Variants in AIFM3 observed in about 807,000 individuals in gnomAD.
AIFM3 encodes AIF family member 3.
AIFM3 carries 71 observed loss-of-function variants against 82.7 expected under a neutral mutation model. The ratio of observed to expected loss-of-function variants is 0.86; its 90% confidence interval spans 0.71 to 1.05. The LOEUF (loss-of-function observed/expected upper bound fraction) is 1.05. Ranked by LOEUF, AIFM3 falls within the 50% of genes least tolerant of loss-of-function variation. AIFM3 has a pLI of 0.00. For synonymous variants in AIFM3, 337 were observed against 329.1 expected, an observed-to-expected ratio of 1.02 and a Z score of -0.26; for missense variants, 748 against 816.7, an observed-to-expected ratio of 0.92 and a Z score of 1.03.
Position 20,976,646 on chromosome 22 carries a change from A to G in AIFM3, c.1031-5A>G. On this transcript the variant is annotated splice_region_variant and splice_polypyrimidine_tract_variant and intron_variant, in intron 11 of 20. Coordinates refer to ENST00000440238, the MANE Select transcript of AIFM3 (RefSeq NM_001386814.1). Reference sequence around the variant, plus strand: ...GCCAGCCTGCCACCCCCTGCCCATCACCAGGGATGGAGGTGGCCGCTTACC... The same window carrying G: ...GCCAGCCTGCCACCCCCTGCCCATCGCCAGGGATGGAGGTGGCCGCTTACC... The G allele has an allele frequency of 6.2e-7, 1 of 1,610,920 alleles. No homozygotes were observed. The highest frequency in any genetic ancestry group is 8.5e-7 in the Non-Finnish European group (1 of 1,178,512).
chr22:20,975,795 G>A lies in AIFM3; in HGVS notation c.807+17G>A, dbSNP rs756115193. 20 of 1,609,862 alleles carry A rather than the reference G, an allele frequency of 1.2e-5. No homozygotes were observed. Among genetic ancestry groups the A allele is most frequent in the African/African-American group, 1.1e-4 (8 of 74,942 alleles). On this transcript the variant is annotated intron_variant, in intron 9 of 20. Transcript: ENST00000440238. The stretch of plus-strand genomic sequence containing the variant: ...GAGGCTCAGGTACAGGGTCAAGGGT[G>A]GGAAACAGGCCCGAGGAGGGAAGGT...
rs765820483 is a variant in AIFM3 at position 20,977,230 on chromosome 22, G to A, written c.1282+135G>A. ...ATCTGTCAAATGGGAACCCCCAACCGCCCCCACTTTACGGAGCTGTTGGGG... is the reference window on the plus strand; with the variant it reads ...ATCTGTCAAATGGGAACCCCCAACCACCCCCACTTTACGGAGCTGTTGGGG... On this transcript the variant is annotated intron_variant, in intron 14 of 20. Coordinates refer to ENST00000440238, the MANE Select transcript of AIFM3 (RefSeq NM_001386814.1). The A allele has an allele frequency of 3.5e-5, 44 of 1,248,916 alleles. 1 individual carries two copies. The Middle Eastern group carries it at 8.1e-4, about 23-fold the overall frequency. The allele number at this position is 1,248,916 out of a possible 1,614,324, so 77.4% of individuals were successfully genotyped here. A position where few individuals can be genotyped will look rare whatever the true frequency, so the allele number is the denominator to read the frequency against.
chr22:20,980,991 G>A lies in AIFM3; in HGVS notation c.1779-1G>A. On this transcript the variant is annotated splice_acceptor_variant, in intron 20 of 20. Coordinates refer to ENST00000440238, the MANE Select transcript of AIFM3 (RefSeq NM_001386814.1). LOFTEE classifies it high-confidence loss of function. ...GACCCCTCCTCCCCTCACTCCTGCA[G>A]GACTGGCGACATGTCCTGGCTTACG... 1 of 1,614,228 alleles carries A rather than the reference G, an allele frequency of 6.2e-7. No individual in the cohort carries two copies. Among genetic ancestry groups the A allele is most frequent in the Non-Finnish European group, 8.5e-7 (1 of 1,180,038 alleles).
rs1473453211 is a variant in AIFM3, at chr22:20,974,905, G to T, written c.720+89G>T. 5.3e-6 allele frequency: 7 copies of T among 1,323,182 alleles called. No individual in the cohort carries two copies. In the South Asian group the frequency reaches 6.5e-5, roughly 12 times the overall value. The allele number at this position is 1,323,182 out of a possible 1,614,324, so 82.0% of individuals were successfully genotyped here. On this transcript the variant is annotated intron_variant, in intron 8 of 20. Coordinates refer to ENST00000440238, the MANE Select transcript of AIFM3 (RefSeq NM_001386814.1). The stretch of plus-strand genomic sequence containing the variant: ...CTTGCTTGTCACCCCATTGGGGTCT[G>T]GCCGGCTGCCCTCCCTGCTTATGCC...
chr22:20,972,478 A>G (rs998402091), intron 2 of AIFM3, among the ~76,000 whole-genome samples: 25 of 152,122 alleles, frequency 1.6e-4, no homozygotes, highest in African/African-American at 5.8e-4. Flanking sequence ...TTTTTGAAAA[A>G]AATTCAAATA....
intron 2 of AIFM3, among the ~76,000 whole-genome samples, chr22:20,968,274 G>T (rs1017631962): frequency 6.6e-6 from 1 of 152,168 alleles, no homozygotes; most frequent in Non-Finnish European, 1.5e-5. Context: ...CTGTTGCAGG[G>T]TTGGGGAAGG....
At chr22:20,977,267 T>C (rs178271) in intron 14 of AIFM3, 172 bp downstream of exon 14, 843,723 of 898,714 alleles carry the variant, frequency 0.94, 396,383 homozygotes, top group East Asian at 0.96. Context: ...AGGTATGTAC[T>C]GGGCTCAGCC....
chr22:20,980,896 GA>G, intron 20 of AIFM3, 95 bp from the exon 21 acceptor site: 1 of 1,608,932 alleles, frequency 6.2e-7, no homozygotes, highest in African/African-American at 1.3e-5. Context: ...GCACAGAACA[GA>G]CCCCCTGCTG....
intron 9 of AIFM3, among the ~76,000 whole-genome samples, 161 bp downstream of exon 9, chr22:20,975,939 C>T (rs1923618250): frequency 6.6e-6 from 1 of 152,212 alleles, no homozygotes; most frequent in South Asian, 2.1e-4. Context: ...GAGCTTTTTC[C>T]TGATGGGTCA....
intron 14 of AIFM3, chr22:20,977,471 A>T: frequency 1.6e-6 from 1 of 615,612 alleles, no homozygotes. Context: ...CCCTCCACTT[A>T]AGGGCCTCAT....
At chr22:20,968,033 C>A (rs976751419) in intron 2 of AIFM3, 58 bp downstream of exon 2, 6 of 1,395,134 alleles carry the variant, frequency 4.3e-6, no homozygotes, top group Middle Eastern at 1.8e-4. Flanking sequence ...CCTCCTCCCC[C>A]GTCTCCCCCC....
Position 20,976,400 on chromosome 22 carries a change from T to C in AIFM3, c.900-8T>C, listed in dbSNP as rs1318172045. 1.2e-6 allele frequency: 2 copies of C among 1,613,760 alleles called. No individual in the cohort carries two copies. The highest frequency in any genetic ancestry group is 1.7e-6 in the Non-Finnish European group (2 of 1,180,000). ...CAGGAGGCCCTCACTGACACGGCCA[T>C]GTCTCAGCCCCAAGACTCTGAGCTG... On this transcript the variant is annotated splice_region_variant and splice_polypyrimidine_tract_variant and intron_variant, in intron 10 of 20. Coordinates refer to ENST00000440238, the MANE Select transcript of AIFM3 (RefSeq NM_001386814.1).
chr22:20,970,462 T>G (rs553519750), intron 2 of AIFM3, among the ~76,000 whole-genome samples: 2 of 152,070 alleles, frequency 1.3e-5, no homozygotes, highest in Non-Finnish European at 2.9e-5. Context: ...TTTATTTTTT[T>G]AACTTTTTTA....
intron 8 of AIFM3, 73 bp from the exon 9 acceptor site, chr22:20,975,619 T>C: frequency 2.0e-6 from 3 of 1,466,500 alleles, no homozygotes; most frequent in Non-Finnish European, 2.9e-6. Flanking sequence ...TGACTGGGGC[T>C]GGCCCCACCT....
intron 2 of AIFM3, among the ~76,000 whole-genome samples, chr22:20,969,863 T>TG (rs1923161780): frequency 6.6e-6 from 1 of 151,972 alleles, no homozygotes; most frequent in Non-Finnish European, 1.5e-5. Flanking sequence ...AGGGTTCAGC[T>TG]GGGGTCTTAA....
chr22:20,976,349 A>G, intron 10 of AIFM3, 43 bp downstream of exon 10: 2 of 1,613,698 alleles, frequency 1.2e-6, no homozygotes, highest in Non-Finnish European at 1.7e-6. Flanking sequence ...TAGGCAGGGC[A>G]CTGGCCTGGA....
In AIFM3 at chr22:20,978,000, C is replaced by G; in HGVS notation, c.1472C>G (p.Ala491Gly). 6.2e-7 allele frequency: 1 copy of G among 1,614,118 alleles called. No homozygotes were observed. Among genetic ancestry groups the G allele is most frequent in the South Asian group, 1.1e-5 (1 of 91,086 alleles). Residue 491 changes from alanine to glycine, a missense_variant, in exon 16 of 21, where the codon GCT becomes GGT. Around this residue, in one of 5 missense-constraint regions of AIFM3, gnomAD observed 183 missense variants for 158.2 expected, o/e 1.16. Coordinates refer to ENST00000440238, the MANE Select transcript of AIFM3 (RefSeq NM_001386814.1). Reference protein sequence around the residue: ...VNIPHWQMAHAQGRVAAQNML... With the variant: ...VNIPHWQMAHGQGRVAAQNML... ...ATTCCACATTGGCAGATGGCTCATGCTCAGGGTATGGCCAGTCCCGAGGCA... is the reference window on the plus strand; with the variant it reads ...ATTCCACATTGGCAGATGGCTCATGGTCAGGGTATGGCCAGTCCCGAGGCA...
chr22:20,970,239 C>T (rs892759437), intron 2 of AIFM3, among the ~76,000 whole-genome samples: 2 of 152,184 alleles, frequency 1.3e-5, no homozygotes, highest in African/African-American at 2.4e-5. Flanking sequence ...ACAGTATTTC[C>T]TTCAGCATTC....
chr22:20,969,069 T>C (rs756878), intron 2 of AIFM3, among the ~76,000 whole-genome samples: 62,649 of 152,096 alleles, frequency 0.41, 14,326 homozygotes, highest in Non-Finnish European at 0.51. Flanking sequence ...AAAATGTGCC[T>C]TGGGCAGATG....
Sources: allele counts gnomAD v4.1 joint callset (sites outside exome capture counted in the v4.1 genomes callset), GRCh38; gene constraint gnomAD v4.1.1; regional missense constraint gnomAD v4.1.1; transcripts MANE v1.5; gene names NCBI Gene and HGNC (gene_info 2026-07-23, HGNC 2026-07-21).